RAD52: variants seen among roughly 807,000 people sequenced by gnomAD.
RAD52 encodes the protein RAD52 DNA repair protein.
RAD52 carries 47 observed loss-of-function variants against 55.5 expected under a neutral mutation model. The observed-to-expected ratio is 0.85, with a 90% CI of 0.67 to 1.08. The LOEUF is 1.08. RAD52 is among the 50% of genes least tolerant of loss of function. RAD52 has a pLI of 0.00. For synonymous variants in RAD52, 184 were observed against 198.9 expected, an observed-to-expected ratio of 0.92 and a Z score of 0.63; for missense variants, 468 against 522.8, an observed-to-expected ratio of 0.90 and a Z score of 1.02.
rs1565636431 is a variant in RAD52, at chr12:911,758, A to ATAAT, written c.*1629_*1632dup. Reference sequence around the variant, plus strand: ...TGGCTGGGCGCAATGGCTCATGCCTATAATTCTAGTACTTTTTACTTTGGG... The same window carrying ATAAT: ...TGGCTGGGCGCAATGGCTCATGCCTATAATTAATTCTAGTACTTTTTACTTTGGG... On this transcript the variant is annotated 3_prime_UTR_variant, in exon 12 of 12. Coordinates refer to ENST00000358495, the MANE Select transcript of RAD52 (RefSeq NM_134424.4). 6.6e-6 allele frequency among the ~76,000 whole-genome samples: 1 copy of ATAAT among 152,182 alleles called. No homozygotes were observed. Among genetic ancestry groups the ATAAT allele is most frequent in the Non-Finnish European group, 1.5e-5 (1 of 68,032 alleles).
upstream of RAD52, among the ~76,000 whole-genome samples, chr12:950,905 T>TTA (rs1565698594): frequency 2.0e-5 from 3 of 152,152 alleles, no homozygotes; most frequent in African/African-American, 7.2e-5. Flanking sequence ...CCCCAGCCCC[T>TTA]TATTCCCCAG....
chr12:973,237 G>T (rs962063879), intron 1 of RAD52, among the ~76,000 whole-genome samples: 3 of 151,024 alleles, frequency 2.0e-5, no homozygotes, highest in African/African-American at 4.9e-5. Context: ...ACCCGGCTAA[G>T]TTTTTGTATT....
At chr12:979,937 C>T (rs1003827893) in intron 1 of RAD52, among the ~76,000 whole-genome samples, 9 of 152,036 alleles carry the variant, frequency 5.9e-5, no homozygotes, top group Admixed American at 1.3e-4. Flanking sequence ...GTCCCAGCTA[C>T]TCGGGAGGCC....
intron 1 of RAD52, among the ~76,000 whole-genome samples, chr12:947,446 G>A (rs1370742042): frequency 1.1e-4 from 16 of 148,888 alleles, no homozygotes; most frequent in South Asian, 6.5e-4. Flanking sequence ...TCAGGAGTTT[G>A]AGACCAGCAT....
At chr12:949,185 C>T (rs946432969) in intron 1 of RAD52, among the ~76,000 whole-genome samples, 3 of 152,138 alleles carry the variant, frequency 2.0e-5, no homozygotes, top group Non-Finnish European at 4.4e-5. Context: ...CCACCATGCC[C>T]GGCGTCAAAT....
chr12:988,191 T>C (rs1252198751), intron 1 of RAD52, among the ~76,000 whole-genome samples: 1 of 152,246 alleles, frequency 6.6e-6, no homozygotes, highest in Admixed American at 6.5e-5. Flanking sequence ...CCCAGGCTTC[T>C]TCTATTTTCT....
intron 7 of RAD52, among the ~76,000 whole-genome samples, chr12:922,191 TAAAAAAAAAAAA>T (rs79763100): frequency 1.2e-5 from 1 of 81,694 alleles, no homozygotes; most frequent in Non-Finnish European, 2.2e-5. Context: ...TAGGTTGGCT[TAAAAAAAAAAAA>T]AAAAAAAAAA....
chr12:981,526 T>G (rs576721529), intron 1 of RAD52, among the ~76,000 whole-genome samples: 1 of 152,172 alleles, frequency 6.6e-6, no homozygotes, highest in Non-Finnish European at 1.5e-5. Flanking sequence ...GAACAGACAT[T>G]CCCATTCCAA....
rs1195939609 is a variant in RAD52, at chr12:929,861, C to G, written c.306G>C (p.Lys102Asn). 6.2e-6 allele frequency: 10 copies of G among 1,614,102 alleles called. No individual in the cohort carries two copies. The highest frequency in any genetic ancestry group is 1.1e-5 in the South Asian group (1 of 91,086). ...NVDFVDLNNGKFYVGVCAFVR... is the reference protein window; with the variant it reads ...NVDFVDLNNGNFYVGVCAFVR... ...CAAATGCACAGACTCCCACGTAGAA[C>G]TTGCCATTGTTGAGGTCAACAAAAT... Residue 102 changes from lysine (K) to asparagine (N), a missense_variant, in exon 5 of 12, where the codon AAG becomes AAC. Physicochemically the swap from Lys to Asn is moderately conservative, Grantham distance 94. Coordinates refer to ENST00000358495, the MANE Select transcript of RAD52 (RefSeq NM_134424.4).
chr12:961,418 A>G (rs375109000), intron 1 of RAD52, among the ~76,000 whole-genome samples: 18 of 152,100 alleles, frequency 1.2e-4, no homozygotes, highest in African/African-American at 4.3e-4. Context: ...TTGAACCCCT[A>G]ATGTCCAATA....
chr12:963,978 A>AG (rs1478484664), intron 1 of RAD52, among the ~76,000 whole-genome samples: 1 of 152,098 alleles, frequency 6.6e-6, no homozygotes, highest in African/African-American at 2.4e-5. Context: ...GCACAGTGCA[A>AG]GGGGGGAAGA....
upstream of RAD52, chr12:990,057 T>TAAGA (rs1959166230): frequency 6.6e-6 from 1 of 152,126 alleles, no homozygotes. Flanking sequence ...AGGGAACAGT[T>TAAGA]AAGAGTCCGG....
chr12:967,530 T>C (rs1427514796), intron 1 of RAD52, among the ~76,000 whole-genome samples: 1 of 151,830 alleles, frequency 6.6e-6, no homozygotes, highest in African/African-American at 2.4e-5. Flanking sequence ...GATTTTACGG[T>C]TATTGTGTTC....
intron 1 of RAD52, chr12:977,017 G>A (rs530629427): frequency 1.3e-5 from 2 of 152,624 alleles, no homozygotes; most frequent in South Asian, 2.1e-4. Flanking sequence ...TGGCGAGTCT[G>A]AGTTGGCTCC....
chr12:971,834 G>GC lies in RAD52; in HGVS notation c.-19+17974dup, dbSNP rs1375099874. On this transcript the variant is annotated intron_variant, in intron 1 of 11. Coordinates refer to the RAD52 transcript ENST00000430095. The stretch of plus-strand genomic sequence containing the variant: ...GCGATCTCGGCTCACTGCAGGCTCC[G>GC]CCCCCCGGGGTTCACGCCATTCTCC... Among the ~76,000 whole-genome samples the GC allele has an allele frequency of 2.0e-5, 3 of 150,858 alleles. No individual in the cohort carries two copies. The East Asian group carries it at 5.8e-4, about 29-fold the overall frequency.
At chr12:960,991 G>A (rs1958674616) in intron 1 of RAD52, among the ~76,000 whole-genome samples, 1 of 152,130 alleles carries the variant, frequency 6.6e-6, no homozygotes, top group Non-Finnish European at 1.5e-5. Flanking sequence ...CCAACACATA[G>A]AGGCAAGACA....
intron 1 of RAD52, among the ~76,000 whole-genome samples, chr12:960,465 G>C (rs1958667920): frequency 6.6e-6 from 1 of 152,152 alleles, no homozygotes; most frequent in South Asian, 2.1e-4. Context: ...AGAAGAAATG[G>C]AGAGGTCTGA....
chr12:950,106 T>C (rs1958483863), upstream of RAD52, among the ~76,000 whole-genome samples: 1 of 152,168 alleles, frequency 6.6e-6, no homozygotes, highest in East Asian at 1.9e-4. Flanking sequence ...GGATGAATGG[T>C]TGTCAGAGAC....
Position 978,903 on chromosome 12 carries a change from T to TAGAC in RAD52, c.-19+10905_-19+10906insGTCT, listed in dbSNP as rs990989361. ...AGTAGATGATAGGTAGATAGATAGA[T>TAGAC]AGATAGATAGATAGACAGACAGACA... On this transcript the variant is annotated intron_variant, in intron 1 of 11. Coordinates refer to the RAD52 transcript ENST00000430095. Among the ~76,000 whole-genome samples the TAGAC allele has an allele frequency of 2.0e-5, 3 of 150,408 alleles. No homozygotes were observed. In the Admixed American group the frequency reaches 2.0e-4, roughly 10 times the overall value.
Sources: allele counts gnomAD v4.1 joint callset (sites outside exome capture counted in the v4.1 genomes callset), GRCh38; gene constraint gnomAD v4.1.1; transcripts MANE v1.5; gene names NCBI Gene and HGNC (gene_info 2026-07-23, HGNC 2026-07-21).